CTNNA2: variants seen among roughly 807,000 people sequenced by gnomAD.
The protein encoded by CTNNA2 is catenin alpha-2.
A neutral mutation model predicts 101.0 loss-of-function variants in CTNNA2; 42 were observed. That is an observed-to-expected ratio of 0.42 (90% CI 0.32 to 0.54). CTNNA2 has a LOEUF of 0.54. CTNNA2 is among the 20% of genes least tolerant of loss of function. The pLI is 0.14. For missense variants in CTNNA2, 871 were observed against 1,223.1 expected, an observed-to-expected ratio of 0.71 and a Z score of 4.29; for synonymous variants, 450 against 456.4, an observed-to-expected ratio of 0.99 and a Z score of 0.18.
intron 7 of CTNNA2, among the ~76,000 whole-genome samples, chr2:80,368,021 C>CA (rs1316099839): frequency 1.3e-5 from 2 of 151,922 alleles, no homozygotes; most frequent in Non-Finnish European, 2.9e-5. Flanking sequence ...TAAATGCATG[C>CA]AAAAAATGAC....
intron 9 of CTNNA2, among the ~76,000 whole-genome samples, chr2:80,438,204 C>A (rs1682216663): frequency 6.6e-6 from 1 of 152,126 alleles, no homozygotes; most frequent in Admixed American, 6.5e-5. Flanking sequence ...CTCGCACATC[C>A]CTAGAGTCTC....
chr2:80,162,965 A>T (rs1704425712), intron 7 of CTNNA2: 1 of 1,542,076 alleles, frequency 6.5e-7, no homozygotes, highest in Non-Finnish European at 9.0e-7. Context: ...GCAAACTGAC[A>T]TCTTGCGAGG....
At chr2:79,746,646 T>A (rs915243530) in intron 3 of CTNNA2, among the ~76,000 whole-genome samples, 1 of 152,216 alleles carries the variant, frequency 6.6e-6, no homozygotes, top group Non-Finnish European at 1.5e-5. Flanking sequence ...AATGGACCAC[T>A]TCCTGTCTTA....
intron 7 of CTNNA2, among the ~76,000 whole-genome samples, chr2:80,078,706 C>G (rs148007564): frequency 1.3e-5 from 2 of 152,300 alleles, no homozygotes; most frequent in East Asian, 3.9e-4. Flanking sequence ...CCAGCTCCAT[C>G]TGGTGCTGCT....
chr2:79,338,767 G>A (rs1677064697), intron 3 of CTNNA2, among the ~76,000 whole-genome samples: 1 of 152,036 alleles, frequency 6.6e-6, no homozygotes, highest in Non-Finnish European at 1.5e-5. Flanking sequence ...CTGGCCTAGG[G>A]TAGTGGTCAC....
chr2:80,035,699 A>T (rs1021537841), intron 7 of CTNNA2, among the ~76,000 whole-genome samples: 1 of 152,208 alleles, frequency 6.6e-6, no homozygotes, highest in African/African-American at 2.4e-5. Context: ...AAAAGAAGGA[A>T]GTAAAATTCA....
intron 6 of CTNNA2, among the ~76,000 whole-genome samples, chr2:79,892,159 A>G (rs1441541220): frequency 1.3e-5 from 2 of 152,178 alleles, no homozygotes; most frequent in African/African-American, 4.8e-5. Context: ...ACATCCATAT[A>G]TATACATACA....
intron 7 of CTNNA2, among the ~76,000 whole-genome samples, chr2:80,176,579 C>G (rs1336490238): frequency 6.6e-6 from 1 of 152,192 alleles, no homozygotes; most frequent in African/African-American, 2.4e-5. Context: ...TGGAGTGACA[C>G]AAACCTTCAT....
At chr2:79,980,153 CTTG>C (rs1209054005) in intron 7 of CTNNA2, among the ~76,000 whole-genome samples, 1 of 152,076 alleles carries the variant, frequency 6.6e-6, no homozygotes, top group Non-Finnish European at 1.5e-5. Context: ...CCCAGTAACT[CTTG>C]TTGTTCTATG....
At chr2:80,506,916 T>C (rs530298700) in intron 9 of CTNNA2, among the ~76,000 whole-genome samples, 1 of 152,312 alleles carries the variant, frequency 6.6e-6, no homozygotes, top group South Asian at 2.1e-4. Context: ...AACTTCCTTC[T>C]CTGTAAGATA....
chr2:80,578,160 A>T (rs1360130069), intron 13 of CTNNA2, among the ~76,000 whole-genome samples: 8 of 152,130 alleles, frequency 5.3e-5, no homozygotes, highest in Admixed American at 5.2e-4. Flanking sequence ...AATCTCATAG[A>T]CTTTTAGGAG....
chr2:80,624,600 A>G (rs193217548), intron 18 of CTNNA2, among the ~76,000 whole-genome samples: 4 of 152,088 alleles, frequency 2.6e-5, no homozygotes, highest in Non-Finnish European at 5.9e-5. Flanking sequence ...TAGCCCCCTA[A>G]TTGCTTTGCA....
chr2:79,513,620 G>A (rs1394422317), intron 1 of CTNNA2, among the ~76,000 whole-genome samples: 1 of 152,100 alleles, frequency 6.6e-6, no homozygotes, highest in African/African-American at 2.4e-5. Flanking sequence ...CTCTTAAACA[G>A]CGGGTGCCCT....
intron 7 of CTNNA2, chr2:80,163,121 T>C: frequency 6.3e-7 from 1 of 1,576,634 alleles, no homozygotes; most frequent in Non-Finnish European, 8.7e-7. Context: ...CCTTATCTTT[T>C]GGAATTTCAC....
chr2:79,342,651 A>G lies in CTNNA2; in HGVS notation c.-318+29855A>G, dbSNP rs73940509. Among the ~76,000 whole-genome samples, 411 of 152,336 alleles carry G rather than the reference A, an allele frequency of 2.7e-3. 3 individuals carry two copies. The highest frequency in any genetic ancestry group is 9.3e-3 in the African/African-American group (388 of 41,580). ...TTTTCATCAGAATGATACACTACTC[A>G]TAATTAAACATGCTGCGGGTACTTT... On this transcript the variant is annotated intron_variant, in intron 3 of 21. Transcript: ENST00000466387.
intron 7 of CTNNA2, among the ~76,000 whole-genome samples, chr2:79,968,724 T>G (rs1413068648): frequency 6.6e-6 from 1 of 152,170 alleles, no homozygotes; most frequent in Non-Finnish European, 1.5e-5. Context: ...AATACCTGTT[T>G]GACAAAAATT....
rs576548310 is a variant in CTNNA2, at chr2:80,010,270, C to T, written c.1056+100473C>T. On this transcript the variant is annotated intron_variant, in intron 7 of 18. Transcript: ENST00000402739. ...AGACTGAGACAGAACTCAAGATTAC[C>T]TTTCAGCAGTCCTCATTAACTATTC... 5.4e-4 allele frequency among the ~76,000 whole-genome samples: 82 copies of T among 152,262 alleles called. 1 individual carries two copies. The highest frequency in any genetic ancestry group is 1.9e-3 in the African/African-American group (81 of 41,562).
At chr2:79,361,734 G>C (rs113296357) in intron 3 of CTNNA2, among the ~76,000 whole-genome samples, 16,882 of 152,178 alleles carry the variant, frequency 0.11, 1,182 homozygotes, top group East Asian at 0.35. Context: ...GCCAGTCCAA[G>C]TCCCAAAACT....
intron 7 of CTNNA2, among the ~76,000 whole-genome samples, chr2:80,318,142 G>A (rs1430954007): frequency 6.6e-6 from 1 of 152,076 alleles, no homozygotes; most frequent in Non-Finnish European, 1.5e-5. Flanking sequence ...TGTGCTAAGT[G>A]CTAAGCTATA....
Sources: gnomAD v4.1 joint callset for allele counts (sites outside exome capture counted in the v4.1 genomes callset) on GRCh38, gnomAD v4.1.1 for gene constraint, MANE v1.5 for transcripts, NCBI Gene and HGNC (gene_info 2026-07-23, HGNC 2026-07-21) for gene names.